The following RRAS2 variants were observed in gnomAD, a reference collection of about 807,000 sequenced individuals.
The protein encoded by RRAS2 is RAS related 2.
RRAS2 carries 7 observed loss-of-function variants against 27.6 expected under a neutral mutation model. That is an observed-to-expected ratio of 0.25 (90% CI 0.14 to 0.48). The LOEUF (loss-of-function observed/expected upper bound fraction) is 0.48. Ranked by LOEUF, RRAS2 falls within the 20% of genes least tolerant of loss-of-function variation. The pLI is 0.99. For synonymous variants in RRAS2, 86 were observed against 90.9 expected (o/e 0.95, Z 0.31); for missense variants, 178 against 256.2 (o/e 0.69, Z 2.08).
chr11:14,350,199 T>C (rs1173690795), intron 1 of RRAS2, among the ~76,000 whole-genome samples: 1 of 152,172 alleles, frequency 6.6e-6, no homozygotes, highest in Non-Finnish European at 1.5e-5. Flanking sequence ...TTTCACTGAC[T>C]GTAAGTTTGG....
chr11:14,303,531 G>A (rs190412869), intron 1 of RRAS2, among the ~76,000 whole-genome samples: 1 of 152,300 alleles, frequency 6.6e-6, no homozygotes, highest in Admixed American at 6.5e-5. Flanking sequence ...GAGCCCAGGA[G>A]TTTGAGACCG....
intron 1 of RRAS2, among the ~76,000 whole-genome samples, chr11:14,352,505 T>G (rs1339918481): frequency 6.6e-6 from 1 of 152,144 alleles, no homozygotes. Context: ...ACTCAGCAGC[T>G]CTGCCCAAAG....
intron 1 of RRAS2, among the ~76,000 whole-genome samples, chr11:14,315,608 T>C (rs1554949431): frequency 1.3e-5 from 2 of 152,224 alleles, no homozygotes; most frequent in East Asian, 1.9e-4. Flanking sequence ...TGTATCCACA[T>C]TGGTTCATTA....
intron 1 of RRAS2, among the ~76,000 whole-genome samples, chr11:14,316,387 T>C (rs1216255574): frequency 2.0e-5 from 3 of 152,192 alleles, no homozygotes; most frequent in Admixed American, 6.5e-5. Flanking sequence ...CATTTAACTA[T>C]GTATATTAGC....
chr11:14,348,228 A>G (rs191649145), intron 1 of RRAS2, among the ~76,000 whole-genome samples: 22 of 152,338 alleles, frequency 1.4e-4, no homozygotes, highest in African/African-American at 5.3e-4. Flanking sequence ...TATTATGTAG[A>G]GTAACATCAA....
intron 1 of RRAS2, among the ~76,000 whole-genome samples, chr11:14,305,698 T>G (rs182143635): frequency 2.6e-4 from 40 of 152,276 alleles, no homozygotes; most frequent in Admixed American, 1.1e-3. Flanking sequence ...ACATTCCCAC[T>G]AGCAGTGTTT....
At chr11:14,322,471 T>G (rs1848248549) in intron 1 of RRAS2, among the ~76,000 whole-genome samples, 1 of 151,882 alleles carries the variant, frequency 6.6e-6, no homozygotes, top group South Asian at 2.1e-4. Context: ...AAATATCAAA[T>G]GCTATACAAA....
At chr11:14,364,434 C>T in exon 1 of RRAS2, 2 of 1,533,360 alleles carry the variant, frequency 1.3e-6, no homozygotes, top group Non-Finnish European at 1.7e-6. Context: ...CCTTAATGGG[C>T]CATTGCTTTT....
upstream of RRAS2, among the ~76,000 whole-genome samples, chr11:14,362,847 G>A (rs149039640): frequency 8.3e-4 from 126 of 152,294 alleles, no homozygotes; most frequent in African/African-American, 2.6e-3. Flanking sequence ...GCCTCACATC[G>A]CAGAAGCAGT....
chr11:14,364,372 CA>C lies in RRAS2; in HGVS notation c.-124+18del, dbSNP rs1184098504. On this transcript the variant is annotated intron_variant, in intron 1 of 5. Transcript: ENST00000529237. Reference sequence around the variant, plus strand: ...GCCAAAGAAGGCCAAGCCCCCAGATCAGAGCCTGCAATACTTACCATGGGTG... The same window carrying C: ...GCCAAAGAAGGCCAAGCCCCCAGATCGAGCCTGCAATACTTACCATGGGTG... 4.2e-5 allele frequency: 65 copies of C among 1,535,986 alleles called. No individual in the cohort carries two copies. In the East Asian group the frequency reaches 1.6e-3, roughly 38 times the overall value.
intron 1 of RRAS2, among the ~76,000 whole-genome samples, chr11:14,341,286 A>G (rs1180025379): frequency 6.6e-6 from 1 of 152,182 alleles, no homozygotes; most frequent in East Asian, 1.9e-4. Flanking sequence ...CCTACCTCAA[A>G]CTACATTATG....
At chr11:14,318,536 A>G (rs797036282) in intron 1 of RRAS2, among the ~76,000 whole-genome samples, 43 of 152,002 alleles carry the variant, frequency 2.8e-4, no homozygotes, top group African/African-American at 9.6e-4. Context: ...AAAAACCTTG[A>G]GTGCCCAGGG....
At chr11:14,343,699 T>C (rs1554953634) in intron 1 of RRAS2, among the ~76,000 whole-genome samples, 1 of 151,108 alleles carries the variant, frequency 6.6e-6, no homozygotes, top group Non-Finnish European at 1.5e-5. Flanking sequence ...CGGGGCATGA[T>C]GGTGCACGCC....
At chr11:14,345,347 A>G (rs1848807514) in intron 1 of RRAS2, among the ~76,000 whole-genome samples, 1 of 152,222 alleles carries the variant, frequency 6.6e-6, no homozygotes, top group Admixed American at 6.5e-5. Context: ...AGTTCTGTGT[A>G]ACAAAGGTAT....
chr11:14,308,856 C>G (rs894801550), intron 1 of RRAS2, among the ~76,000 whole-genome samples: 1 of 152,160 alleles, frequency 6.6e-6, no homozygotes, highest in African/African-American at 2.4e-5. Flanking sequence ...GCAGTCAGAC[C>G]TACATACCCC....
chr11:14,319,853 T>C (rs562115712), intron 1 of RRAS2, among the ~76,000 whole-genome samples: 4 of 152,212 alleles, frequency 2.6e-5, no homozygotes, highest in Non-Finnish European at 4.4e-5. Context: ...AGAAAAGTTG[T>C]GTGATCAAAA....
At chr11:14,354,103 C>T (rs1290412435) in intron 1 of RRAS2, among the ~76,000 whole-genome samples, 1 of 152,184 alleles carries the variant, frequency 6.6e-6, no homozygotes, top group African/African-American at 2.4e-5. Flanking sequence ...GATCAATTAA[C>T]TATTAACACA....
At chr11:14,280,726 CAAAAAAAAAAAAAAA>C (rs58781581) in intron 5 of RRAS2, among the ~76,000 whole-genome samples, 51 of 48,332 alleles carry the variant, frequency 1.1e-3, no homozygotes, top group African/African-American at 4.0e-3. Context: ...ACTCTGTTTC[CAAAAAAAAAAAAAAA>C]AAAAAAAAAA....
upstream of RRAS2, among the ~76,000 whole-genome samples, chr11:14,360,964 G>A (rs942271191): frequency 6.7e-6 from 1 of 150,240 alleles, no homozygotes; most frequent in African/African-American, 2.5e-5. Flanking sequence ...CATCACTCCC[G>A]GCCCTTCTTG....
Sources: allele counts gnomAD v4.1 joint callset (sites outside exome capture counted in the v4.1 genomes callset), GRCh38; gene constraint gnomAD v4.1.1; transcripts MANE v1.5; gene names NCBI Gene and HGNC (gene_info 2026-07-23, HGNC 2026-07-21).